Variants in BMP3 observed in about 807,000 individuals in gnomAD.
BMP3 encodes the protein bone morphogenetic protein 3.
A neutral mutation model predicts 38.1 loss-of-function variants in BMP3; 23 were observed. That is an observed-to-expected ratio of 0.60 (90% CI 0.43 to 0.86). BMP3 has a LOEUF of 0.86. Ranked by LOEUF, BMP3 falls within the 40% of genes least tolerant of loss-of-function variation. The pLI is 0.00. For synonymous variants in BMP3, 258 were observed against 225.7 expected, an observed-to-expected ratio of 1.14 and a Z score of -1.28; for missense variants, 628 against 579.6, an observed-to-expected ratio of 1.08 and a Z score of -0.86.
At chr4:81,051,358 G>A (rs2109912888) in intron 2 of BMP3, among the ~76,000 whole-genome samples, 1 of 152,226 alleles carries the variant, frequency 6.6e-6, no homozygotes, top group Non-Finnish European at 1.5e-5. Context: ...TTTGTTCCAT[G>A]CCTAGATTAT....
chr4:81,052,905 A>G (rs998587996), intron 2 of BMP3, among the ~76,000 whole-genome samples: 1 of 152,168 alleles, frequency 6.6e-6, no homozygotes. Context: ...AGGGTCAATA[A>G]CGAATCATTT....
At chr4:81,044,757 C>T (rs1335026454) in intron 1 of BMP3, among the ~76,000 whole-genome samples, 3 of 152,158 alleles carry the variant, frequency 2.0e-5, no homozygotes, top group African/African-American at 7.2e-5. Flanking sequence ...TTTCATTTAG[C>T]ATAGTTTTTT....
In BMP3 at chr4:81,030,801, C is replaced by G. The variant is rs1484177229; in HGVS notation, c.-484C>G. Among the ~76,000 whole-genome samples the G allele has an allele frequency of 6.6e-6, 1 of 152,120 alleles. No individual in the cohort carries two copies. Among genetic ancestry groups the G allele is most frequent in the African/African-American group, 2.4e-5 (1 of 41,448 alleles). ...CACTAAAAAACTCGGACCAGCCGCG[C>G]CGCAGCTGCTCCAATCCCTGGAAAA... On this transcript the variant is annotated 5_prime_UTR_variant, in exon 1 of 3. Transcript: ENST00000282701.
At position 81,034,686 on chromosome 4, in the gene BMP3, A is replaced by T. The variant is rs529638486; in HGVS notation, c.316+3086A>T. On this transcript the variant is annotated intron_variant, in intron 1 of 2. Coordinates refer to ENST00000282701, the MANE Select transcript of BMP3 (RefSeq NM_001201.5). ...CCTTTTAAAAAATCTCACATACTTC[A>T]TAGATTTAAAAAAATAACTGAGGCA... is the stretch of plus-strand genomic sequence containing the variant. Among the ~76,000 whole-genome samples, 6 of 152,292 alleles carry T rather than the reference A, an allele frequency of 3.9e-5. No homozygotes were observed. The South Asian group carries it at 6.2e-4, about 16-fold the overall frequency.
chr4:81,050,357 CT>C (rs924122452), intron 2 of BMP3, among the ~76,000 whole-genome samples: 1 of 152,148 alleles, frequency 6.6e-6, no homozygotes, highest in Non-Finnish European at 1.5e-5. Context: ...GAGAGAGATT[CT>C]TGGAATTCTG....
In BMP3 at chr4:81,033,308, T is replaced by C. The variant is rs1024301218; in HGVS notation, c.316+1708T>C. Among the ~76,000 whole-genome samples the C allele has an allele frequency of 2.0e-5, 3 of 152,222 alleles. No homozygotes were observed. The East Asian group carries it at 5.8e-4, about 29-fold the overall frequency. On this transcript the variant is annotated intron_variant, in intron 1 of 2. Coordinates refer to ENST00000282701, the MANE Select transcript of BMP3 (RefSeq NM_001201.5). ...TAGCTTTTATTTGTTTTAGGCCAAG[T>C]TAACCATGGATAAAGATTTTAACAA...
At chr4:81,038,226 AT>A (rs1252845328) in intron 1 of BMP3, among the ~76,000 whole-genome samples, 8 of 152,278 alleles carry the variant, frequency 5.3e-5, no homozygotes, top group Non-Finnish European at 1.2e-4. Context: ...TGGTTTTGCC[AT>A]AAAGAAGTCT....
At chr4:81,033,640 T>C (rs1704124041) in intron 1 of BMP3, among the ~76,000 whole-genome samples, 1 of 152,168 alleles carries the variant, frequency 6.6e-6, no homozygotes, top group Non-Finnish European at 1.5e-5. Context: ...GTGGTTCGTG[T>C]TGGGCCCCTT....
At chr4:81,043,794 G>A (rs1740158432) in intron 1 of BMP3, among the ~76,000 whole-genome samples, 1 of 151,930 alleles carries the variant, frequency 6.6e-6, no homozygotes, top group African/African-American at 2.4e-5. Flanking sequence ...TCACTATGGT[G>A]GCCAGGCTGG....
intron 1 of BMP3, among the ~76,000 whole-genome samples, chr4:81,045,511 T>A (rs946097760): frequency 9.9e-5 from 15 of 152,214 alleles, no homozygotes; most frequent in African/African-American, 3.6e-4. Context: ...TGTATCTACT[T>A]TTTCTTTTAT....
At chr4:81,034,054 T>C (rs1739855713) in intron 1 of BMP3, among the ~76,000 whole-genome samples, 1 of 152,196 alleles carries the variant, frequency 6.6e-6, no homozygotes, top group Non-Finnish European at 1.5e-5. Context: ...ATTAAAATTA[T>C]TTATTGTTCT....
At position 81,031,355 on chromosome 4, in the gene BMP3, G is replaced by T. The variant is rs576053850; in HGVS notation, c.71G>T (p.Arg24Ile). The T allele has an allele frequency of 3.2e-5, 52 of 1,612,806 alleles. No individual in the cohort carries two copies. The Middle Eastern group carries it at 1.2e-3, about 36-fold the overall frequency. Residue 24 changes from arginine to isoleucine, a missense_variant, in exon 1 of 3, where the codon AGA (arginine) becomes ATA (isoleucine). Transcript: ENST00000282701. ...TGCGTGAGCCTGGCGCAGGGAGAGA[G>T]ACCGAAGCCACCTTTCCCGGAGCTC... is the stretch of plus-strand genomic sequence containing the variant. Reference protein sequence around the residue: ...CFCVSLAQGERPKPPFPELRK... With the variant: ...CFCVSLAQGEIPKPPFPELRK...
intron 1 of BMP3, 33 bp downstream of exon 1, chr4:81,031,633 G>A: frequency 6.6e-7 from 1 of 1,520,878 alleles, no homozygotes; most frequent in East Asian, 2.4e-5. Flanking sequence ...CCTTCCCGCG[G>A]TCCCGCCCCA....
intron 2 of BMP3, among the ~76,000 whole-genome samples, chr4:81,052,247 C>T (rs1351893659): frequency 6.6e-6 from 1 of 152,076 alleles, no homozygotes; most frequent in Non-Finnish European, 1.5e-5. Context: ...GGCAAGTTAC[C>T]AAACTTCTGT....
intron 1 of BMP3, 136 bp from the exon 2 acceptor site, chr4:81,045,601 AC>A (rs1310371806): frequency 3.2e-6 from 2 of 634,902 alleles, no homozygotes; most frequent in Non-Finnish European, 4.9e-6. Context: ...ATGAAGATTT[AC>A]CCCTAGGTTT....
At chr4:81,052,614 C>A (rs951907690) in intron 2 of BMP3, among the ~76,000 whole-genome samples, 2 of 152,124 alleles carry the variant, frequency 1.3e-5, no homozygotes, top group Non-Finnish European at 2.9e-5. Flanking sequence ...ACTCTTAGAA[C>A]ACAACTCCAT....
chr4:81,034,431 CTA>C (rs1399191324), intron 1 of BMP3, among the ~76,000 whole-genome samples: 1 of 152,134 alleles, frequency 6.6e-6, no homozygotes, highest in African/African-American at 2.4e-5. Context: ...TCTCTGGCTA[CTA>C]TATGATAAAG....
At chr4:81,040,873 T>TA (rs888077025) in intron 1 of BMP3, among the ~76,000 whole-genome samples, 2 of 152,228 alleles carry the variant, frequency 1.3e-5, no homozygotes, top group Non-Finnish European at 2.9e-5. Flanking sequence ...CCCTTTTTTT[T>TA]ATCATTATTA....
chr4:81,046,361 G>A lies in BMP3; in HGVS notation c.940G>A (p.Val314Met), dbSNP rs1201976581. The change falls in exon 2 of 3, where the codon GTG (valine) becomes ATG (methionine). Residue 314 changes from valine (V) to methionine (M), a missense_variant. Transcript: ENST00000282701. ...GAEYQYKKDEVWEERKPYKTL... is the reference protein window; with the variant it reads ...GAEYQYKKDEMWEERKPYKTL... ...AGAATACCAGTATAAAAAGGATGAG[G>A]TGTGGGAGGAGAGAAAGCCTTACAA... is the stretch of plus-strand genomic sequence containing the variant. 1 of 1,614,040 alleles carries A rather than the reference G, an allele frequency of 6.2e-7. No homozygotes were observed. The highest frequency in any genetic ancestry group is 8.5e-7 in the Non-Finnish European group (1 of 1,180,028).
Sources: allele counts gnomAD v4.1 joint callset (sites outside exome capture counted in the v4.1 genomes callset), GRCh38; gene constraint gnomAD v4.1.1; transcripts MANE v1.5; gene names NCBI Gene and HGNC (gene_info 2026-07-23, HGNC 2026-07-21).